The following KCTD3 variants were observed in gnomAD, a reference collection of about 807,000 sequenced individuals.
The protein encoded by KCTD3 is BTB/POZ domain-containing protein KCTD3.
A neutral mutation model predicts 85.8 loss-of-function variants in KCTD3; 41 were observed. The observed-to-expected ratio is 0.48, with a 90% CI of 0.37 to 0.62. KCTD3 has a LOEUF of 0.62. Ranked by LOEUF, KCTD3 falls within the 20% of genes least tolerant of loss-of-function variation. The probability of loss-of-function intolerance (pLI) is 0.00; values close to 1 mark genes in which losing one functional copy is unlikely to be tolerated. For synonymous variants in KCTD3, 338 were observed against 345.4 expected (o/e 0.98, Z 0.24); for missense variants, 724 against 989.9 (o/e 0.73, Z 3.60).
chr1:215,603,295 G>A (rs1356747321), intron 12 of KCTD3, among the ~76,000 whole-genome samples: 1 of 152,034 alleles, frequency 6.6e-6, no homozygotes, highest in African/African-American at 2.4e-5. Context: ...TTCATGACAT[G>A]CTTTTTTTCC....
chr1:215,567,669 G>T lies in KCTD3; in HGVS notation c.-17G>T, dbSNP rs962287803. The T allele has an allele frequency of 8.1e-7, 1 of 1,232,546 alleles. No individual in the cohort carries two copies. Among genetic ancestry groups the T allele is most frequent in the Admixed American group, 4.2e-5 (1 of 23,622 alleles). The allele number at this position is 1,232,546 out of a possible 1,614,324, so 76.4% of individuals were successfully genotyped here. Reference sequence around the variant, plus strand: ...GCTGGGGAAGGAGGGCGGCGAGCGCGTCCGGAGCCGCCGGAGATGGCGGGA... The same window carrying T: ...GCTGGGGAAGGAGGGCGGCGAGCGCTTCCGGAGCCGCCGGAGATGGCGGGA... On this transcript the variant is annotated 5_prime_UTR_variant, in exon 1 of 18. Transcript: ENST00000259154.
intron 9 of KCTD3, among the ~76,000 whole-genome samples, chr1:215,592,256 T>G (rs1417344412): frequency 1.3e-5 from 2 of 152,186 alleles, no homozygotes; most frequent in Non-Finnish European, 2.9e-5. Context: ...AGTACTCTTA[T>G]GCAGCAAGCC....
Position 215,592,376 on chromosome 1 carries a change from G to T in KCTD3, c.818-2980G>T, listed in dbSNP as rs573056403. Among the ~76,000 whole-genome samples the T allele has an allele frequency of 7.6e-3, 1,122 of 148,002 alleles. 4 individuals carry two copies. The highest frequency in any genetic ancestry group is 0.011 in the Admixed American group (157 of 14,902). ...ATATATTTTGTCCATTTTTTTTTTTGTTGTTACTGCTGTTTTAAAGTGGAG... is the reference window on the plus strand; with the variant it reads ...ATATATTTTGTCCATTTTTTTTTTTTTTGTTACTGCTGTTTTAAAGTGGAG... On this transcript the variant is annotated intron_variant, in intron 9 of 17. Coordinates refer to ENST00000259154, the MANE Select transcript of KCTD3 (RefSeq NM_016121.5).
chr1:215,613,564 G>A lies in KCTD3; in HGVS notation c.1562+1643G>A, dbSNP rs58867901. 6.2e-3 allele frequency among the ~76,000 whole-genome samples: 940 copies of A among 152,218 alleles called. 24 individuals carry two copies. In the South Asian group the frequency reaches 0.074, roughly 12 times the overall value. The stretch of plus-strand genomic sequence containing the variant: ...GTTGCTTTTGGAGTCTTTGTCATGA[G>A]ATCTTTGCCAGGGCTGATGTCCAGG... On this transcript the variant is annotated intron_variant, in intron 15 of 17. Transcript: ENST00000259154.
intron 4 of KCTD3, 112 bp downstream of exon 4, chr1:215,576,086 A>T (rs780303348): frequency 3.1e-6 from 2 of 653,256 alleles, no homozygotes; most frequent in Non-Finnish European, 2.6e-6. Flanking sequence ...CTTGAGTTGC[A>T]GTCTTGCTCT....
chr1:215,577,227 A>G (rs1206823119), intron 4 of KCTD3, among the ~76,000 whole-genome samples: 1 of 152,050 alleles, frequency 6.6e-6, no homozygotes, highest in Non-Finnish European at 1.5e-5. Context: ...GTATACAAAC[A>G]TAGATCAGAA....
chr1:215,581,163 T>A (rs926792091), intron 8 of KCTD3: 1 of 252,788 alleles, frequency 4.0e-6, no homozygotes, highest in African/African-American at 2.3e-5. Context: ...GGAGAATCAC[T>A]TGAACCCAGG....
At chr1:215,608,430 T>C (rs905239840) in intron 14 of KCTD3, among the ~76,000 whole-genome samples, 1 of 151,704 alleles carries the variant, frequency 6.6e-6, no homozygotes, top group Non-Finnish European at 1.5e-5. Context: ...GAATGTCATC[T>C]TCACATGTTA....
intron 12 of KCTD3, among the ~76,000 whole-genome samples, chr1:215,603,124 A>G (rs1240547938): frequency 6.6e-6 from 1 of 151,922 alleles, no homozygotes; most frequent in Non-Finnish European, 1.5e-5. Flanking sequence ...AAGTGTACCA[A>G]CCCCTGCTCT....
chr1:215,619,041 T>C lies in KCTD3; in HGVS notation c.1718T>C (p.Met573Thr). The change falls in exon 16 of 18, where the codon ATG becomes ACG. Residue 573 changes from methionine to threonine, a missense_variant. By Grantham distance (81) the Met-to-Thr change is moderately conservative. Coordinates refer to ENST00000259154, the MANE Select transcript of KCTD3 (RefSeq NM_016121.5). ...SIQMWDLTTA[M>T]DMVNKSEDKD... is the part of the protein sequence containing the mutation. ...CAAATGTGGGATCTGACCACTGCTA[T>C]GGATATGGTTAACAAAAGTGAAGAT... The C allele has an allele frequency of 6.2e-7, 1 of 1,612,808 alleles. No homozygotes were observed. The highest frequency in any genetic ancestry group is 8.5e-7 in the Non-Finnish European group (1 of 1,179,582).
At chr1:215,577,520 A>C (rs1659633886) in intron 4 of KCTD3, 150 bp from the exon 5 acceptor site, 1 of 565,888 alleles carries the variant, frequency 1.8e-6, no homozygotes, top group Admixed American at 3.2e-5. Flanking sequence ...TTAATGATTA[A>C]GGATAATAGA....
At chr1:215,604,043 G>A (rs1020811564) in intron 12 of KCTD3, 89 bp from the exon 13 acceptor site, 1 of 983,974 alleles carries the variant, frequency 1.0e-6, no homozygotes, top group Non-Finnish European at 1.5e-6. Flanking sequence ...ATCCAGCTCT[G>A]CCTATTTTAT....
chr1:215,572,236 G>A (rs1247399790), intron 1 of KCTD3, among the ~76,000 whole-genome samples: 1 of 152,150 alleles, frequency 6.6e-6, no homozygotes, highest in Non-Finnish European at 1.5e-5. Context: ...TCACACATAA[G>A]TTTCAATAAA....
intron 9 of KCTD3, among the ~76,000 whole-genome samples, chr1:215,593,582 C>G (rs1053780886): frequency 3.9e-5 from 6 of 152,138 alleles, no homozygotes; most frequent in Admixed American, 6.5e-5. Context: ...GCTTTTAAAG[C>G]ATGTTATATT....
chr1:215,600,396 C>T (rs535014994), intron 10 of KCTD3, among the ~76,000 whole-genome samples: 1 of 152,278 alleles, frequency 6.6e-6, no homozygotes, highest in South Asian at 2.1e-4. Context: ...CCCTACCTAA[C>T]TCATAGTTGA....
chr1:215,567,580 C>T lies in KCTD3; in HGVS notation c.-106C>T, dbSNP rs1659176370. On this transcript the variant is annotated 5_prime_UTR_variant, in exon 1 of 18. Transcript: ENST00000259154. ...GCACCCCCCGCCCTCCGGCCGCCGC[C>T]GCCCCGCTGGCCCTGCAGCCGTCGC... The T allele has an allele frequency of 3.4e-6, 2 of 595,922 alleles. No individual in the cohort carries two copies. The highest frequency in any genetic ancestry group is 2.4e-6 in the Non-Finnish European group (1 of 423,392). The allele number at this position is 595,922 out of a possible 1,614,324, so 36.9% of individuals were successfully genotyped here. A position where few individuals can be genotyped will look rare whatever the true frequency, so the allele number is the denominator to read the frequency against.
intron 1 of KCTD3, among the ~76,000 whole-genome samples, chr1:215,572,055 T>G (rs1183113635): frequency 6.6e-6 from 1 of 152,244 alleles, no homozygotes; most frequent in Non-Finnish European, 1.5e-5. Flanking sequence ...ACACTGAGAC[T>G]GATACTGCTA....
chr1:215,590,145 A>G (rs1298311400), intron 9 of KCTD3, among the ~76,000 whole-genome samples: 3 of 152,182 alleles, frequency 2.0e-5, no homozygotes, highest in Non-Finnish European at 4.4e-5. Flanking sequence ...TTAATGGTTC[A>G]GTGATTTTAA....
chr1:215,614,629 T>C (rs1343903753), intron 15 of KCTD3, among the ~76,000 whole-genome samples: 1 of 152,230 alleles, frequency 6.6e-6, no homozygotes, highest in Non-Finnish European at 1.5e-5. Context: ...TTAATGTTAA[T>C]TGGTGTATAG....
Sources: allele counts gnomAD v4.1 joint callset (sites outside exome capture counted in the v4.1 genomes callset), GRCh38; gene constraint gnomAD v4.1.1; transcripts MANE v1.5; gene names NCBI Gene and HGNC (gene_info 2026-07-23, HGNC 2026-07-21).